Variants in AMPD3 observed in about 807,000 individuals in gnomAD.
The protein encoded by AMPD3 is adenosine monophosphate deaminase 3, also known as AMP deaminase 3.
A neutral mutation model predicts 82.3 loss-of-function variants in AMPD3; 57 were observed. The ratio of observed to expected loss-of-function variants is 0.69; its 90% CI spans 0.56 to 0.86. The LOEUF (loss-of-function observed/expected upper bound fraction) is 0.86, where lower values mean the gene tolerates loss of function less well. Ranked by LOEUF, AMPD3 falls within the 40% of genes least tolerant of loss-of-function variation. The pLI, the probability that AMPD3 is intolerant of heterozygous loss-of-function variation, is 0.00. For missense variants in AMPD3, 870 were observed against 1,003.8 expected (o/e 0.87, Z 1.80); for synonymous variants, 381 against 394.7 (o/e 0.97, Z 0.41).
rs2133895911 is a variant in AMPD3 at position 10,484,452 on chromosome 11, A to G, written c.590-368A>G. The G allele has an allele frequency of 9.1e-6, 9 of 985,332 alleles. No individual in the cohort carries two copies. In the African/African-American group the frequency reaches 1.6e-4, roughly 17 times the overall value. The allele number at this position is 985,332 out of a possible 1,614,324, so 61.0% of individuals were successfully genotyped here. ...CCGCTGCTCTTTTTAATATTCCTGG[A>G]ATCTCTGAAGTGCCGAGGAAAATGA... On this transcript the variant is annotated intron_variant, in intron 4 of 14. Transcript: ENST00000396553.
At chr11:10,494,154 A>G (rs7114333) in intron 7 of AMPD3, among the ~76,000 whole-genome samples, 4,557 of 152,322 alleles carry the variant, frequency 0.03, 221 homozygotes, top group African/African-American at 0.1. Flanking sequence ...CAGCCATAAA[A>G]GGGAGTCAAG....
intron 10 of AMPD3, chr11:10,499,611 C>T (rs1015289202): frequency 1.0e-6 from 1 of 976,212 alleles, no homozygotes; most frequent in Non-Finnish European, 1.2e-6. Flanking sequence ...TCCTGGGTTG[C>T]TCTGAATATG....
Position 10,484,921 on chromosome 11 carries a change from G to T in AMPD3, c.691G>T (p.Val231Leu), listed in dbSNP as rs1418284505. The change falls in exon 5 of 15, where the codon GTG becomes TTG. Residue 231 changes from valine to leucine, a missense_variant. Val to Leu is a conservative substitution (Grantham distance 32). Coordinates refer to ENST00000396553, the MANE Select transcript of AMPD3 (RefSeq NM_001025389.2). ...LVHMQGGILF[V>L]YDNKKMLEHQ... ...CCACATGCAGGGGGGCATCCTCTTT[G>T]TGTATGATAACAAGAAGATGCTGGA... The T allele has an allele frequency of 4.3e-6, 7 of 1,613,988 alleles. No individual in the cohort carries two copies. Among genetic ancestry groups the T allele is most frequent in the South Asian group, 2.2e-5 (2 of 91,084 alleles).
chr11:10,473,645 C>T, intron 2 of AMPD3: 1 of 967,670 alleles, frequency 1.0e-6, no homozygotes, highest in Non-Finnish European at 1.2e-6. Context: ...TCTGTGCGCC[C>T]CTGCTCTCTC....
chr11:10,460,879 G>C, intron 1 of AMPD3: 1 of 985,424 alleles, frequency 1.0e-6, no homozygotes, highest in South Asian at 4.7e-5. Flanking sequence ...AAGCTTCTTT[G>C]AGGGAGTGAG....
rs201772411 is a variant in AMPD3 at position 10,495,607 on chromosome 11, A to G, written c.1304A>G (p.Tyr435Cys). ...GAGCTGGAGGAGAGCAAGTACCAGT[A>G]CTCAGAGCCACGGCTCTCCATCTAC... ...ARELEESKYQ[Y>C]SEPRLSIYGR... The change falls in exon 9 of 15, where the codon TAC (tyrosine) becomes TGC (cysteine). Residue 435 changes from tyrosine (Y) to cysteine (C), a missense_variant. By Grantham distance (194) the Tyr-to-Cys change is radical. Coordinates refer to ENST00000396553, the MANE Select transcript of AMPD3 (RefSeq NM_001025389.2). 1.3e-5 allele frequency: 21 copies of G among 1,613,430 alleles called. No individual in the cohort carries two copies. The highest frequency in any genetic ancestry group is 3.4e-6 in the Non-Finnish European group (4 of 1,180,016).
At chr11:10,457,876 C>G (rs1848144163) in intron 1 of AMPD3, among the ~76,000 whole-genome samples, 1 of 152,210 alleles carries the variant, frequency 6.6e-6, no homozygotes, top group South Asian at 2.1e-4. Context: ...GCCTGGGCAA[C>G]TGAGACCCTG....
At chr11:10,462,224 T>A (rs908093571) in intron 2 of AMPD3, among the ~76,000 whole-genome samples, 3 of 152,172 alleles carry the variant, frequency 2.0e-5, no homozygotes, top group African/African-American at 7.2e-5. Flanking sequence ...AAGTGCTGTA[T>A]CAGTCAGGGT....
Position 10,456,273 on chromosome 11 carries a change from C to T in AMPD3, c.-6+825C>T. The T allele has an allele frequency of 6.4e-7, 1 of 1,571,510 alleles. No homozygotes were observed. Among genetic ancestry groups the T allele is most frequent in the Non-Finnish European group, 8.6e-7 (1 of 1,156,574 alleles). On this transcript the variant is annotated intron_variant, in intron 1 of 14. Coordinates refer to ENST00000396553, the MANE Select transcript of AMPD3 (RefSeq NM_001025389.2). The surrounding 1 kb of genome is among the most constrained non-coding windows in gnomAD (Gnocchi z 4.3). ...GCAAAACAGAGACCTCCTACTCCAG[C>T]CGGCAGACAGGACCCAGCCAGCTGC... is the stretch of plus-strand genomic sequence containing the variant.
At chr11:10,460,066 TA>T (rs1564838205) in intron 1 of AMPD3, among the ~76,000 whole-genome samples, 66 of 143,960 alleles carry the variant, frequency 4.6e-4, no homozygotes, top group African/African-American at 1.6e-3. Flanking sequence ...TAATATATAT[TA>T]TATATAATAT....
At chr11:10,451,116 C>A, upstream of AMPD3, 1 of 1,537,524 alleles carries the variant, frequency 6.5e-7, no homozygotes, top group Non-Finnish European at 8.7e-7. Context: ...CGGGAATCAG[C>A]AGCGCCCTGG....
At chr11:10,503,033 C>A in intron 13 of AMPD3, 139 bp downstream of exon 13, 1 of 997,986 alleles carries the variant, frequency 1.0e-6, no homozygotes. Flanking sequence ...AGGAAGGAAG[C>A]CACTGTTGGG....
upstream of AMPD3, among the ~76,000 whole-genome samples, chr11:10,453,157 C>G (rs918360316): frequency 3.3e-5 from 5 of 152,198 alleles, no homozygotes; most frequent in Non-Finnish European, 7.3e-5. Context: ...CCCATGTTGG[C>G]CAGGCTGGTC....
At chr11:10,500,315 A>T in intron 11 of AMPD3, 66 bp downstream of exon 11, 1 of 1,565,300 alleles carries the variant, frequency 6.4e-7, no homozygotes. Context: ...ATGCACACAC[A>T]TGCACACACA....
intron 10 of AMPD3, chr11:10,497,507 G>A (rs781172316): frequency 4.4e-6 from 4 of 914,794 alleles, no homozygotes; most frequent in Admixed American, 6.2e-5. Context: ...CTGGGATCGA[G>A]GGGGTATCAG....
intron 13 of AMPD3, 135 bp downstream of exon 13, chr11:10,503,029 G>C: frequency 9.7e-7 from 1 of 1,029,526 alleles, no homozygotes; most frequent in Non-Finnish European, 1.5e-6. Context: ...AGGCAGGAAG[G>C]AAGCCACTGT....
intron 14 of AMPD3, 117 bp from the exon 15 acceptor site, chr11:10,505,591 A>T: frequency 6.6e-7 from 1 of 1,525,786 alleles, no homozygotes; most frequent in Non-Finnish European, 8.7e-7. Flanking sequence ...TCCTGACCAA[A>T]GATCTGCTTC....
chr11:10,457,524 T>C (rs535350078), intron 1 of AMPD3, among the ~76,000 whole-genome samples: 2 of 152,226 alleles, frequency 1.3e-5, no homozygotes, highest in African/African-American at 4.8e-5. Context: ...GAAAGGTTGA[T>C]TTAAGCTAAA....
At chr11:10,480,420 CT>C (rs1399585100) in intron 3 of AMPD3, among the ~76,000 whole-genome samples, 1 of 149,978 alleles carries the variant, frequency 6.7e-6, no homozygotes, top group East Asian at 1.9e-4. Flanking sequence ...AAGCCATCCA[CT>C]GGAAGATGTA....
Sources: gnomAD v4.1 joint callset for allele counts (sites outside exome capture counted in the v4.1 genomes callset) on GRCh38, gnomAD v4.1.1 for gene constraint, Gnocchi (gnomAD v3.1) non-coding constraint, MANE v1.5 for transcripts, NCBI Gene and HGNC (gene_info 2026-07-23, HGNC 2026-07-21) for gene names.